EPB42: variants seen among roughly 807,000 people sequenced by gnomAD.
EPB42 encodes erythrocyte membrane protein band 4.2.
A neutral mutation model predicts 76.9 loss-of-function variants in EPB42; 49 were observed. The ratio of observed to expected loss-of-function variants is 0.64; its 90% CI spans 0.51 to 0.81. The LOEUF is 0.81. Among genes scored for constraint, EPB42 ranks in the 30% least tolerant of loss-of-function variants. EPB42 has a pLI of 0.00. For synonymous variants in EPB42, 310 were observed against 338.4 expected, an observed-to-expected ratio of 0.92 and a Z score of 0.92; for missense variants, 731 against 867.6, an observed-to-expected ratio of 0.84 and a Z score of 1.98.
upstream of EPB42, among the ~76,000 whole-genome samples, chr15:43,223,068 A>C (rs2042476518): frequency 6.6e-6 from 1 of 152,242 alleles, no homozygotes; most frequent in African/African-American, 2.4e-5. Flanking sequence ...CTGTAATCCC[A>C]GAACTTTGGG....
chr15:43,200,594 T>C (rs1018816600), intron 12 of EPB42, among the ~76,000 whole-genome samples: 1 of 152,250 alleles, frequency 6.6e-6, no homozygotes, highest in South Asian at 2.1e-4. Context: ...ATTAAAATAA[T>C]AGTAAGATAT....
Position 43,220,820 on chromosome 15 carries a change from T to G in EPB42, c.6A>C (p.Gly2=). Residue 2 remains glycine, a synonymous_variant, in exon 1 of 13, where the codon GGA becomes GGC. Transcript: ENST00000441366. ...TCGAGCGCTGGCTTGGCTCACCCTGTCCCATGGTTGCAGGCCGCTCCTCTT... is the reference window on the plus strand; with the variant it reads ...TCGAGCGCTGGCTTGGCTCACCCTGGCCCATGGTTGCAGGCCGCTCCTCTT... The part of the protein sequence containing the change: M[G]QALGIKSCDF... 6.2e-7 allele frequency: 1 copy of G among 1,611,300 alleles called. No homozygotes were observed. Among genetic ancestry groups the G allele is most frequent in the Non-Finnish European group, 8.5e-7 (1 of 1,179,696 alleles).
chr15:43,219,350 G>GT (rs1452707292), intron 1 of EPB42, among the ~76,000 whole-genome samples: 2 of 152,156 alleles, frequency 1.3e-5, no homozygotes, highest in Non-Finnish European at 2.9e-5. Flanking sequence ...TTTTTTACTT[G>GT]TAAGTTTATA....
At chr15:43,211,233 T>C (rs2042291162) in intron 4 of EPB42, among the ~76,000 whole-genome samples, 183 bp downstream of exon 4, 1 of 152,084 alleles carries the variant, frequency 6.6e-6, no homozygotes, top group African/African-American at 2.4e-5. Context: ...AAAATAATTC[T>C]GGGAGCTCCC....
chr15:43,214,643 A>G (rs2042350251), intron 3 of EPB42, among the ~76,000 whole-genome samples: 1 of 152,180 alleles, frequency 6.6e-6, no homozygotes, highest in Admixed American at 6.5e-5. Flanking sequence ...CATCAGCTTC[A>G]GGTCCTGCAA....
intron 1 of EPB42, among the ~76,000 whole-genome samples, chr15:43,220,511 G>C (rs1177684786): frequency 2.0e-5 from 3 of 151,820 alleles, no homozygotes; most frequent in Non-Finnish European, 4.4e-5. Flanking sequence ...ATCATGACCA[G>C]TTTACCCCAA....
Position 43,207,280 on chromosome 15 carries a change from A to G in EPB42, c.1237T>C (p.Tyr413His). 1 of 1,614,118 alleles carries G rather than the reference A, an allele frequency of 6.2e-7. No individual in the cohort carries two copies. ...TLELTDSNTKYVGNNISTKGV... is the reference protein window; with the variant it reads ...TLELTDSNTKHVGNNISTKGV... ...TTGGTGCTGATGTTGTTGCCAACAT[A>G]CTTTGTGTTGGAGTCAGTCAACTCC... Residue 413 changes from tyrosine (Y) to histidine (H), a missense_variant, in exon 9 of 13, where the codon TAT (tyrosine) becomes CAT (histidine). Transcript: ENST00000441366.
intron 10 of EPB42, among the ~76,000 whole-genome samples, chr15:43,203,850 C>A (rs993898425): frequency 6.6e-6 from 1 of 152,276 alleles, no homozygotes; most frequent in African/African-American, 2.4e-5. Context: ...TGCCACAGAA[C>A]GTGGTTGTGA....
intron 10 of EPB42, among the ~76,000 whole-genome samples, chr15:43,204,966 C>CA (rs1442841758): frequency 3.6e-5 from 5 of 137,280 alleles, no homozygotes; most frequent in Admixed American, 7.1e-5. Context: ...CCCCCTCCGC[C>CA]CCCCCCCCAA....
chr15:43,203,384 G>C, intron 10 of EPB42, 109 bp from the exon 11 acceptor site: 1 of 1,378,828 alleles, frequency 7.3e-7, no homozygotes, highest in South Asian at 1.2e-5. Context: ...AGGCCAGAAA[G>C]ATGCACCATT....
intron 10 of EPB42, among the ~76,000 whole-genome samples, chr15:43,205,016 A>G (rs934135621): frequency 8.2e-6 from 1 of 121,800 alleles, no homozygotes; most frequent in Admixed American, 1.1e-4. Context: ...AGCTAAGGTT[A>G]AGAAGCACTC....
intron 12 of EPB42, among the ~76,000 whole-genome samples, chr15:43,198,560 G>C (rs2042080261): frequency 1.3e-5 from 2 of 152,206 alleles, no homozygotes. Flanking sequence ...AAAGGAAGCA[G>C]AGCGTAAAAG....
intron 7 of EPB42, 136 bp downstream of exon 7, chr15:43,208,501 C>T: frequency 1.4e-6 from 2 of 1,471,788 alleles, no homozygotes; most frequent in Non-Finnish European, 1.9e-6. Context: ...CACTGACCAT[C>T]AGCGCCGCCT....
chr15:43,202,222 T>C (rs1254923104), intron 11 of EPB42, among the ~76,000 whole-genome samples: 4 of 152,322 alleles, frequency 2.6e-5, no homozygotes, highest in South Asian at 2.1e-4. Flanking sequence ...GGTTTCCCAC[T>C]GTCTTGGGAA....
chr15:43,204,167 C>T (rs146688520), intron 10 of EPB42, among the ~76,000 whole-genome samples: 6 of 152,266 alleles, frequency 3.9e-5, no homozygotes, highest in South Asian at 2.1e-4. Context: ...ACCTTCCCAA[C>T]GCAATTGGCT....
upstream of EPB42, among the ~76,000 whole-genome samples, chr15:43,223,259 G>A (rs533539915): frequency 6.6e-5 from 10 of 152,210 alleles, no homozygotes; most frequent in African/African-American, 1.2e-4. Context: ...TGGAGGTTGC[G>A]GTGAGCTGAA....
upstream of EPB42, among the ~76,000 whole-genome samples, chr15:43,225,657 C>T (rs1451446094): frequency 6.6e-6 from 1 of 152,160 alleles, no homozygotes; most frequent in African/African-American, 2.4e-5. Flanking sequence ...GGGAGACAAA[C>T]AATACTAAGT....
Position 43,207,194 on chromosome 15 carries a change from C to G in EPB42, c.1318+5G>C. On this transcript the variant is annotated splice_donor_5th_base_variant and intron_variant, in intron 9 of 12. Transcript: ENST00000441366. ...AGAAGCCTGGGGCCCTTCCCTGGCC[C>G]GTACCTTCAGGATACTTGTAGTTCT... The G allele has an allele frequency of 1.2e-6, 2 of 1,614,106 alleles. No individual in the cohort carries two copies. The highest frequency in any genetic ancestry group is 2.2e-5 in the East Asian group (1 of 44,882).
intron 12 of EPB42, 123 bp downstream of exon 12, chr15:43,201,721 G>A (rs2042128664): frequency 9.9e-6 from 14 of 1,418,670 alleles, no homozygotes; most frequent in Non-Finnish European, 1.4e-5. Context: ...TAATCCTTTA[G>A]TTTAGTTTCT....
Sources: allele counts gnomAD v4.1 joint callset (sites outside exome capture counted in the v4.1 genomes callset), GRCh38; gene constraint gnomAD v4.1.1; transcripts MANE v1.5; gene names NCBI Gene and HGNC (gene_info 2026-07-23, HGNC 2026-07-21).